TBC1D32: variants seen among roughly 807,000 people sequenced by gnomAD.
TBC1D32 encodes the protein TBC1 domain family member 32.
A neutral mutation model predicts 170.3 loss-of-function variants in TBC1D32; 151 were observed. The observed-to-expected ratio is 0.89, with a 90% CI of 0.78 to 1.01. The LOEUF (loss-of-function observed/expected upper bound fraction) is 1.01. TBC1D32 is among the 50% of genes least tolerant of loss of function. The probability of loss-of-function intolerance (pLI) is 0.00; values close to 1 mark genes in which losing one functional copy is unlikely to be tolerated. For missense variants in TBC1D32, 1,464 were observed against 1,457.1 expected, an observed-to-expected ratio of 1.00 and a Z score of -0.08; for synonymous variants, 498 against 488.0, an observed-to-expected ratio of 1.02 and a Z score of -0.27.
At chr6:121,224,775 A>G (rs959787637) in intron 20 of TBC1D32, among the ~76,000 whole-genome samples, 8 of 152,120 alleles carry the variant, frequency 5.3e-5, no homozygotes, top group Admixed American at 3.3e-4. Flanking sequence ...CAGTGGCTAC[A>G]TAATGAATAT....
At chr6:121,286,496 A>G (rs1399546838) in intron 12 of TBC1D32, among the ~76,000 whole-genome samples, 1 of 148,370 alleles carries the variant, frequency 6.7e-6, no homozygotes, top group Non-Finnish European at 1.5e-5. Context: ...TATGAATGGG[A>G]CTATATGAAA....
chr6:121,328,178 C>A (rs1384145444), intron 1 of TBC1D32, among the ~76,000 whole-genome samples: 1 of 152,108 alleles, frequency 6.6e-6, no homozygotes, highest in African/African-American at 2.4e-5. Context: ...ACATGGGTTA[C>A]AATAAATACA....
chr6:121,098,455 G>GTCAAT (rs1777668094), intron 30 of TBC1D32, among the ~76,000 whole-genome samples: 3 of 151,848 alleles, frequency 2.0e-5, no homozygotes, highest in African/African-American at 7.3e-5. Flanking sequence ...ACCTCCGCAA[G>GTCAAT]TCAATTCACT....
chr6:121,232,358 T>G (rs1001364088), intron 20 of TBC1D32, among the ~76,000 whole-genome samples: 7 of 152,296 alleles, frequency 4.6e-5, no homozygotes, highest in African/African-American at 1.7e-4. Flanking sequence ...GGTAATGTGA[T>G]GCCTCCAGAT....
chr6:121,289,529 CT>C (rs1323520918), intron 12 of TBC1D32, among the ~76,000 whole-genome samples: 1 of 152,222 alleles, frequency 6.6e-6, no homozygotes, highest in African/African-American at 2.4e-5. Flanking sequence ...ACATTCCATG[CT>C]CATGGGTAGG....
intron 30 of TBC1D32, among the ~76,000 whole-genome samples, chr6:121,093,104 C>G (rs1777008305): frequency 6.6e-6 from 1 of 152,002 alleles, no homozygotes; most frequent in Non-Finnish European, 1.5e-5. Flanking sequence ...TATGAATACC[C>G]AATATTTGTC....
intron 9 of TBC1D32, among the ~76,000 whole-genome samples, chr6:121,301,187 C>T (rs143540054): frequency 0.015 from 2,287 of 152,118 alleles, 41 homozygotes; most frequent in African/African-American, 0.045. Flanking sequence ...ATCCCATTAC[C>T]GGGTATATAC....
At chr6:121,115,123 T>A (rs1302396424) in intron 27 of TBC1D32, 49 bp downstream of exon 27, 1 of 1,472,364 alleles carries the variant, frequency 6.8e-7, no homozygotes, top group South Asian at 1.3e-5. Flanking sequence ...ATGAGGCAGA[T>A]AAAACAAATT....
At chr6:121,219,648 G>A (rs1794269150) in intron 21 of TBC1D32, among the ~76,000 whole-genome samples, 2 of 152,120 alleles carry the variant, frequency 1.3e-5, no homozygotes, top group Non-Finnish European at 2.9e-5. Context: ...CACTGTAGTG[G>A]GAAATACAGG....
At chr6:121,126,290 T>C (rs1780837589) in intron 26 of TBC1D32, 88 bp downstream of exon 26, 2 of 935,404 alleles carry the variant, frequency 2.1e-6, no homozygotes, top group African/African-American at 3.3e-5. Flanking sequence ...ATGAGAAAAC[T>C]GCCTATCTGT....
At chr6:121,251,130 A>G (rs1798236941) in intron 17 of TBC1D32, among the ~76,000 whole-genome samples, 1 of 152,186 alleles carries the variant, frequency 6.6e-6, no homozygotes, top group African/African-American at 2.4e-5. Context: ...GGAAGAATCA[A>G]TATTGTGAAA....
At position 121,205,066 on chromosome 6, in the gene TBC1D32, G is replaced by A. The variant is rs1342928174; in HGVS notation, c.2570+9C>T. On this transcript the variant is annotated intron_variant, in intron 22 of 31. Transcript: ENST00000398212. ...AATATAATATCAAAAGTAAAATGTA[G>A]CATTTTACCTTAGACCAAAGATATG... The A allele has an allele frequency of 3.5e-6, 5 of 1,432,290 alleles. No individual in the cohort carries two copies. Among genetic ancestry groups the A allele is most frequent in the Non-Finnish European group, 4.8e-6 (5 of 1,049,736 alleles). The allele number at this position is 1,432,290 out of a possible 1,614,324, so 88.7% of individuals were successfully genotyped here.
intron 21 of TBC1D32, among the ~76,000 whole-genome samples, chr6:121,210,999 A>G (rs1198844990): frequency 6.6e-6 from 1 of 152,030 alleles, no homozygotes; most frequent in East Asian, 1.9e-4. Flanking sequence ...AAAAAAATAT[A>G]GACACACTGG....
intron 19 of TBC1D32, 64 bp from the exon 20 acceptor site, chr6:121,239,252 A>T: frequency 1.0e-6 from 1 of 961,676 alleles, no homozygotes; most frequent in Non-Finnish European, 1.6e-6. Flanking sequence ...TGAAGGAAAG[A>T]TATGATGATC....
At chr6:121,310,666 T>C in intron 4 of TBC1D32, 113 bp downstream of exon 4, 2 of 714,304 alleles carry the variant, frequency 2.8e-6, no homozygotes, top group African/African-American at 3.6e-5. Context: ...GGATTGCCCA[T>C]AATCATAAAG....
rs1775554121 is a variant in TBC1D32 at position 121,080,723 on chromosome 6, G to A, written c.*48C>T. 5 of 1,574,074 alleles carry A rather than the reference G, an allele frequency of 3.2e-6. No individual in the cohort carries two copies. The highest frequency in any genetic ancestry group is 4.3e-6 in the Non-Finnish European group (5 of 1,162,074). On this transcript the variant is annotated 3_prime_UTR_variant, in exon 32 of 32. Coordinates refer to ENST00000398212, the MANE Select transcript of TBC1D32 (RefSeq NM_152730.6). Reference sequence around the variant, plus strand: ...CAGAAAAACATCAAGCCCCCCTGCTGTGTTTAAAAATAAATAAAACCTAAA... The same window carrying A: ...CAGAAAAACATCAAGCCCCCCTGCTATGTTTAAAAATAAATAAAACCTAAA...
intron 15 of TBC1D32, among the ~76,000 whole-genome samples, chr6:121,273,664 C>G (rs1026805700): frequency 6.0e-5 from 9 of 150,584 alleles, no homozygotes; most frequent in Non-Finnish European, 1.2e-4. Context: ...GCTGTTGAAT[C>G]AAGTTTGGCC....
intron 22 of TBC1D32, among the ~76,000 whole-genome samples, chr6:121,198,085 A>G (rs186228094): frequency 6.8e-6 from 1 of 146,290 alleles, no homozygotes; most frequent in South Asian, 2.1e-4. Flanking sequence ...CTTGCTCCTC[A>G]AGTTTGCAGA....
chr6:121,172,734 T>C (rs1241084578), intron 22 of TBC1D32, among the ~76,000 whole-genome samples: 1 of 152,202 alleles, frequency 6.6e-6, no homozygotes, highest in Non-Finnish European at 1.5e-5. Flanking sequence ...TGTATACACT[T>C]GTACTAAGAA....
Sources: gnomAD v4.1 joint callset for allele counts (sites outside exome capture counted in the v4.1 genomes callset) on GRCh38, gnomAD v4.1.1 for gene constraint, MANE v1.5 for transcripts, NCBI Gene and HGNC (gene_info 2026-07-23, HGNC 2026-07-21) for gene names.